The following TMEM30A variants were observed in gnomAD, a reference collection of about 807,000 sequenced individuals.
TMEM30A encodes cell division cycle 50 P4-ATPase accessory subunit A.
A neutral mutation model predicts 38.2 loss-of-function variants in TMEM30A; 24 were observed. That is an observed-to-expected ratio of 0.63 (90% CI 0.46 to 0.88). The LOEUF is 0.88. Ranked by LOEUF, TMEM30A falls within the 40% of genes least tolerant of loss-of-function variation. TMEM30A has a pLI of 0.00. For synonymous variants in TMEM30A, 145 were observed against 161.6 expected (o/e 0.90, Z 0.78); for missense variants, 370 against 458.6 (o/e 0.81, Z 1.77).
rs528215653 is a variant in TMEM30A, at chr6:75,276,568, G to A, written c.237+7834C>T. 1.3e-4 allele frequency among the ~76,000 whole-genome samples: 20 copies of A among 152,280 alleles called. 1 individual carries two copies. In the South Asian group the frequency reaches 3.7e-3, roughly 28 times the overall value. Reference sequence around the variant, plus strand: ...GTAGGGAAAAATTTCCACACATGTGGTGTCAGAAGTGTTGAGTGGTGTGCG... The same window carrying A: ...GTAGGGAAAAATTTCCACACATGTGATGTCAGAAGTGTTGAGTGGTGTGCG... On this transcript the variant is annotated intron_variant, in intron 1 of 6. Coordinates refer to ENST00000230461, the MANE Select transcript of TMEM30A (RefSeq NM_018247.4).
At chr6:75,277,756 A>G (rs1772286269) in intron 1 of TMEM30A, among the ~76,000 whole-genome samples, 1 of 152,148 alleles carries the variant, frequency 6.6e-6, no homozygotes, top group South Asian at 2.1e-4. Flanking sequence ...AAATTTAAAA[A>G]TTGGCCAGTC....
At chr6:75,256,553 A>T (rs418485) in intron 6 of TMEM30A, among the ~76,000 whole-genome samples, 1 of 151,960 alleles carries the variant, frequency 6.6e-6, no homozygotes, top group South Asian at 2.1e-4. Context: ...GTAGTTTCTC[A>T]GGTGCTTTTG....
At position 75,259,161 on chromosome 6, in the gene TMEM30A, A is replaced by T. The variant is rs1771920617; in HGVS notation, c.686-175T>A. Among the ~76,000 whole-genome samples, 6 of 152,230 alleles carry T rather than the reference A, an allele frequency of 3.9e-5. No homozygotes were observed. The South Asian group carries it at 1.2e-3, about 31-fold the overall frequency. On this transcript the variant is annotated intron_variant, in intron 5 of 6. Transcript: ENST00000230461. ...AAGACATCACAGAAACTGAATTCAT[A>T]ATTAAAAGTATACATTTCCTTTAGA... is the stretch of plus-strand genomic sequence containing the variant.
chr6:75,268,656 T>C (rs1298961395), intron 1 of TMEM30A, among the ~76,000 whole-genome samples: 1 of 152,218 alleles, frequency 6.6e-6, no homozygotes, highest in African/African-American at 2.4e-5. Context: ...TCTGAATATA[T>C]AGCCAGTTGG....
chr6:75,280,486 G>C (rs1020246383), intron 1 of TMEM30A, among the ~76,000 whole-genome samples: 1 of 151,954 alleles, frequency 6.6e-6, no homozygotes, highest in Non-Finnish European at 1.5e-5. Context: ...ACAATTTTTT[G>C]GTAATATAGG....
intron 1 of TMEM30A, among the ~76,000 whole-genome samples, chr6:75,274,421 T>A (rs1175997427): frequency 2.6e-5 from 4 of 152,224 alleles, no homozygotes; most frequent in African/African-American, 9.7e-5. Flanking sequence ...ACATTAAAAC[T>A]AGCCTCTCAA....
intron 1 of TMEM30A, among the ~76,000 whole-genome samples, chr6:75,268,396 G>A (rs1772102538): frequency 6.6e-6 from 1 of 152,224 alleles, no homozygotes; most frequent in African/African-American, 2.4e-5. Flanking sequence ...CTTTGGCCCA[G>A]CCCAATCTCT....
At chr6:75,259,540 A>G in intron 4 of TMEM30A, 50 bp from the exon 5 acceptor site, 1 of 1,505,106 alleles carries the variant, frequency 6.6e-7, no homozygotes, top group Non-Finnish European at 8.9e-7. Context: ...GAAAACTCAT[A>G]GCATCTGCTT....
chr6:75,282,886 T>G (rs2149525791), intron 1 of TMEM30A, among the ~76,000 whole-genome samples: 1 of 152,268 alleles, frequency 6.6e-6, no homozygotes, highest in Middle Eastern at 3.4e-3. Context: ...AGCTGGAATT[T>G]AAAACCAGCT....
intron 1 of TMEM30A, 91 bp downstream of exon 1, chr6:75,284,311 T>C: frequency 7.7e-7 from 1 of 1,295,528 alleles, no homozygotes; most frequent in Non-Finnish European, 1.1e-6. Context: ...GCCAGTCAAC[T>C]GGATTCTGGG....
At chr6:75,259,978 T>G (rs1771935119) in intron 4 of TMEM30A, among the ~76,000 whole-genome samples, 1 of 152,228 alleles carries the variant, frequency 6.6e-6, no homozygotes, top group African/African-American at 2.4e-5. Context: ...AATTAGAATA[T>G]GAAGTATCTC....
chr6:75,282,840 G>A (rs563388894), intron 1 of TMEM30A, among the ~76,000 whole-genome samples: 1 of 152,222 alleles, frequency 6.6e-6, no homozygotes, highest in African/African-American at 2.4e-5. Context: ...GAGAGATTAC[G>A]GAAATTTTCC....
chr6:75,267,807 C>G (rs1423986514), intron 1 of TMEM30A, 59 bp from the exon 2 acceptor site: 1 of 1,149,938 alleles, frequency 8.7e-7, no homozygotes, highest in Non-Finnish European at 1.2e-6. Flanking sequence ...CTAAAACACT[C>G]TGAAACGACT....
rs979040106 is a variant in TMEM30A at position 75,253,176 on chromosome 6, T to C, written c.*2926A>G. ...CTTACAGCTTAACCAACAAAAAATG[T>C]GTCATACAATAATTCTAAGGCAATG... On this transcript the variant is annotated 3_prime_UTR_variant, in exon 7 of 7. Coordinates refer to ENST00000230461, the MANE Select transcript of TMEM30A (RefSeq NM_018247.4). 6.6e-6 allele frequency: 1 copy of C among 151,950 alleles called. No individual in the cohort carries two copies. Among genetic ancestry groups the C allele is most frequent in the African/African-American group, 2.4e-5 (1 of 41,372 alleles). The allele number at this position is 151,950 out of a possible 1,614,324, so 9.4% of individuals were successfully genotyped here.
intron 3 of TMEM30A, 53 bp downstream of exon 3, chr6:75,265,178 T>C (rs1772047171): frequency 2.7e-6 from 3 of 1,110,418 alleles, no homozygotes; most frequent in Non-Finnish European, 3.9e-6. Flanking sequence ...GAACAGTTAC[T>C]ACATATTCTT....
chr6:75,280,278 G>T (rs923398426), intron 1 of TMEM30A, among the ~76,000 whole-genome samples: 1 of 152,096 alleles, frequency 6.6e-6, no homozygotes, highest in Non-Finnish European at 1.5e-5. Flanking sequence ...TGCTAACTTT[G>T]CTGGTATGAT....
intron 4 of TMEM30A, among the ~76,000 whole-genome samples, chr6:75,260,180 C>T (rs989152795): frequency 2.6e-5 from 4 of 151,858 alleles, no homozygotes; most frequent in Non-Finnish European, 5.9e-5. Flanking sequence ...CCGAAGTGGG[C>T]GGATCACGAG....
chr6:75,267,745 C>G lies in TMEM30A; in HGVS notation c.241G>C (p.Asp81His), dbSNP rs376439013. 8.2e-6 allele frequency: 13 copies of G among 1,590,336 alleles called. No individual in the cohort carries two copies. Among genetic ancestry groups the G allele is most frequent in the Non-Finnish European group, 1.0e-5 (12 of 1,168,746 alleles). Residue 81 changes from aspartate to histidine, a missense_variant, in exon 2 of 7, where the codon GAT (aspartate) becomes CAT (histidine). Coordinates refer to ENST00000230461, the MANE Select transcript of TMEM30A (RefSeq NM_018247.4). ...TSNNIREIEI[D>H]YTGTEPSSPC... ...CTGGAAGGCTCTGTTCCGGTATAAT[C>G]AATCTGCAAGAGAAAAATATAACTA...
intron 1 of TMEM30A, among the ~76,000 whole-genome samples, chr6:75,275,516 T>C (rs1024975655): frequency 6.6e-6 from 1 of 152,174 alleles, no homozygotes; most frequent in African/African-American, 2.4e-5. Context: ...TCCTACAATC[T>C]TCCCCATCTT....
Sources: allele counts gnomAD v4.1 joint callset (sites outside exome capture counted in the v4.1 genomes callset), GRCh38; gene constraint gnomAD v4.1.1; transcripts MANE v1.5; gene names NCBI Gene and HGNC (gene_info 2026-07-23, HGNC 2026-07-21).